Variants in NTN1 observed in about 807,000 individuals in gnomAD.
NTN1 encodes netrin 1.
Under a neutral mutation model 54.2 loss-of-function variants are expected in NTN1, and 11 were observed. That is an observed-to-expected ratio of 0.20 (90% CI 0.13 to 0.34). The LOEUF is 0.34. Ranked by LOEUF, NTN1 falls within the 10% of genes least tolerant of loss-of-function variation. The pLI is 1.00. For synonymous variants in NTN1, 371 were observed against 382.0 expected (o/e 0.97, Z 0.33); for missense variants, 740 against 893.1 (o/e 0.83, Z 2.18).
chr17:9,061,104 G>C (rs1597473788), intron 2 of NTN1, among the ~76,000 whole-genome samples: 2 of 152,240 alleles, frequency 1.3e-5, no homozygotes, highest in Middle Eastern at 3.4e-3. Context: ...CTTTGCACAG[G>C]GGAAAGATCA....
chr17:9,025,087 G>T (rs2091865700), intron 2 of NTN1, among the ~76,000 whole-genome samples: 1 of 152,104 alleles, frequency 6.6e-6, no homozygotes, highest in African/African-American at 2.4e-5. Context: ...ACTTTGTCTT[G>T]TCACCATCAG....
chr17:9,042,061 C>T (rs2091923764), intron 2 of NTN1, among the ~76,000 whole-genome samples: 1 of 151,630 alleles, frequency 6.6e-6, no homozygotes, highest in African/African-American at 2.4e-5. Flanking sequence ...TGAGGAATGC[C>T]AGATTGGTTT....
intron 2 of NTN1, among the ~76,000 whole-genome samples, chr17:9,033,931 A>G (rs995437686): frequency 9.9e-5 from 15 of 150,994 alleles, no homozygotes; most frequent in Admixed American, 3.9e-4. Flanking sequence ...AAAAAAAAAA[A>G]AAAGAAAAAG....
At chr17:9,201,057 G>C (rs746928613) in intron 5 of NTN1, among the ~76,000 whole-genome samples, 2 of 152,126 alleles carry the variant, frequency 1.3e-5, no homozygotes, top group Non-Finnish European at 2.9e-5. Context: ...ACGATACTTA[G>C]AACTAGTGGC....
At position 9,078,568 on chromosome 17, in the gene NTN1, G is replaced by T. The variant is rs192802936; in HGVS notation, c.1018+55177G>T. Among the ~76,000 whole-genome samples, 520 of 152,356 alleles carry T rather than the reference G, an allele frequency of 3.4e-3. 4 individuals carry two copies. The highest frequency in any genetic ancestry group is 0.012 in the African/African-American group (503 of 41,574). Reference sequence around the variant, plus strand: ...CATTTCAGGGTAGCTTCTGTTCTTAGATCTTCTTTATGGCTGAGGTTTTAT... The same window carrying T: ...CATTTCAGGGTAGCTTCTGTTCTTATATCTTCTTTATGGCTGAGGTTTTAT... On this transcript the variant is annotated intron_variant, in intron 2 of 6. Coordinates refer to ENST00000173229, the MANE Select transcript of NTN1 (RefSeq NM_004822.3).
At chr17:9,072,208 A>G (rs892769923) in intron 2 of NTN1, among the ~76,000 whole-genome samples, 2 of 148,726 alleles carry the variant, frequency 1.3e-5, no homozygotes, top group African/African-American at 5.0e-5. Flanking sequence ...GCTTCACACC[A>G]GCCCCCTCCC....
At position 9,240,027 on chromosome 17, in the gene NTN1, G is replaced by A. The variant is rs1906143630; in HGVS notation, c.*59G>A. 3.6e-5 allele frequency: 43 copies of A among 1,185,350 alleles called. No homozygotes were observed. The highest frequency in any genetic ancestry group is 4.4e-5 in the Non-Finnish European group (42 of 949,304). 73.4% of individuals were successfully genotyped at this position (1,185,350 alleles called of 1,614,324 possible). On this transcript the variant is annotated 3_prime_UTR_variant, in exon 7 of 7. Transcript: ENST00000173229. ...CCAGGGCGGGGCCGAGCGAGAGCGG[G>A]CGCCTTGGCCCGGCCGCCGCGGACT...
At chr17:9,199,118 C>G (rs1904713744) in intron 5 of NTN1, among the ~76,000 whole-genome samples, 1 of 152,114 alleles carries the variant, frequency 6.6e-6, no homozygotes, top group African/African-American at 2.4e-5. Context: ...ATAGTATAGT[C>G]CAGCTATTTC....
intron 2 of NTN1, among the ~76,000 whole-genome samples, chr17:9,084,104 G>A (rs1031675922): frequency 7.2e-5 from 11 of 152,200 alleles, no homozygotes; most frequent in African/African-American, 2.7e-4. Flanking sequence ...GATACAGTTT[G>A]TAGAAATGCA....
chr17:9,163,477 AACACACACACAC>A lies in NTN1; in HGVS notation c.1207+509_1207+520del, dbSNP rs55765967. Among the ~76,000 whole-genome samples the A allele has an allele frequency of 2.0e-4, 28 of 142,792 alleles. 1 individual carries two copies. The highest frequency in any genetic ancestry group is 3.4e-4 in the African/African-American group (13 of 38,166). 93.7% of individuals were successfully genotyped at this position (142,792 alleles called of 152,430 possible). A position where few individuals can be genotyped will look rare whatever the true frequency, so the allele number is the denominator to read the frequency against. On this transcript the variant is annotated intron_variant, in intron 3 of 6. Coordinates refer to ENST00000173229, the MANE Select transcript of NTN1 (RefSeq NM_004822.3). ...CGCACCGCCCCTCACTCCCCCCCGA[AACACACACACAC>A]ACACACACACACACACACACACACA...
intron 2 of NTN1, among the ~76,000 whole-genome samples, chr17:9,043,419 A>G (rs2091929348): frequency 6.6e-6 from 1 of 152,210 alleles, no homozygotes; most frequent in Non-Finnish European, 1.5e-5. Flanking sequence ...GTAGTTAAGA[A>G]ATTTAGCTTG....
chr17:9,178,523 C>T (rs542252686), intron 3 of NTN1, among the ~76,000 whole-genome samples: 2 of 152,352 alleles, frequency 1.3e-5, no homozygotes, highest in Admixed American at 6.5e-5. Context: ...TGGGAGAGGT[C>T]GTGTTTTGAG....
chr17:9,193,385 G>GT (rs1251974417), intron 5 of NTN1, among the ~76,000 whole-genome samples: 2 of 152,166 alleles, frequency 1.3e-5, no homozygotes, highest in African/African-American at 4.8e-5. Context: ...ACATTTTGCG[G>GT]TATTTGTTTC....
rs7207642 is a variant in NTN1, at chr17:9,180,352, C to A, written c.1357+396C>A. On this transcript the variant is annotated intron_variant, in intron 4 of 6. Coordinates refer to ENST00000173229, the MANE Select transcript of NTN1 (RefSeq NM_004822.3). Reference sequence around the variant, plus strand: ...CCGCGCCTGGCCCATTCAGTGGGTTCTGTCTTCAATGTGCATTCCTGCATT... The same window carrying A: ...CCGCGCCTGGCCCATTCAGTGGGTTATGTCTTCAATGTGCATTCCTGCATT... Among the ~76,000 whole-genome samples the A allele has an allele frequency of 4.1e-3, 622 of 152,336 alleles. 5 individuals are homozygous for A. The highest frequency in any genetic ancestry group is 0.014 in the African/African-American group (597 of 41,576).
intron 2 of NTN1, among the ~76,000 whole-genome samples, chr17:9,098,916 C>A (rs775043415): frequency 3.3e-5 from 5 of 152,174 alleles, no homozygotes; most frequent in Non-Finnish European, 5.9e-5. Flanking sequence ...AACCTGAAAT[C>A]TTTCCTTCTA....
In NTN1 at chr17:9,242,983, GTGTT is replaced by G. The variant is rs776807787; in HGVS notation, c.*3022_*3025del. 37 of 152,244 alleles carry G rather than the reference GTGTT, an allele frequency of 2.4e-4. No individual in the cohort carries two copies. The highest frequency in any genetic ancestry group is 3.9e-4 in the Admixed American group (6 of 15,278). The allele number at this position is 152,244 out of a possible 1,614,324, so 9.4% of individuals were successfully genotyped here. On this transcript the variant is annotated 3_prime_UTR_variant, in exon 7 of 7. Coordinates refer to ENST00000173229, the MANE Select transcript of NTN1 (RefSeq NM_004822.3). ...TATTAACCAGAATTGTGCTATGTAGGTGTTTGTTTGAAGAAAAACATACCAGATT... is the reference window on the plus strand; with the variant it reads ...TATTAACCAGAATTGTGCTATGTAGGTGTTTGAAGAAAAACATACCAGATT...
intron 2 of NTN1, among the ~76,000 whole-genome samples, chr17:9,151,501 T>C (rs546294572): frequency 6.6e-6 from 1 of 152,176 alleles, no homozygotes; most frequent in African/African-American, 2.4e-5. Flanking sequence ...TCATTTTTCC[T>C]ACCACCTTGA....
At position 9,105,789 on chromosome 17, in the gene NTN1, C is replaced by T. The variant is rs2092164205; in HGVS notation, c.1019-57024C>T. On this transcript the variant is annotated intron_variant, in intron 2 of 6. Transcript: ENST00000173229. ...CTTTAGAACTGTGGGAATCCTCCCC[C>T]TCCCCCAAGTCCCCCAAATGTGCAG... Among the ~76,000 whole-genome samples the T allele has an allele frequency of 1.3e-5, 2 of 152,166 alleles. 1 individual carries two copies.
intron 2 of NTN1, among the ~76,000 whole-genome samples, chr17:9,064,128 A>ACATTCC (rs2092007589): frequency 6.6e-6 from 1 of 152,188 alleles, no homozygotes; most frequent in South Asian, 2.1e-4. Flanking sequence ...GTGGAAACCA[A>ACATTCC]ACATTCCATG....
Sources: allele counts gnomAD v4.1 joint callset (sites outside exome capture counted in the v4.1 genomes callset), GRCh38; gene constraint gnomAD v4.1.1; transcripts MANE v1.5; gene names NCBI Gene and HGNC (gene_info 2026-07-23, HGNC 2026-07-21).